The following FSTL5 variants were observed in gnomAD, a reference collection of about 807,000 sequenced individuals.
FSTL5 encodes follistatin-related protein 5.
Under a neutral mutation model 89.1 loss-of-function variants are expected in FSTL5, and 62 were observed. That is an observed-to-expected ratio of 0.70 (90% CI 0.57 to 0.86). The LOEUF is 0.86. Ranked by LOEUF, FSTL5 falls within the 40% of genes least tolerant of loss-of-function variation. The probability of loss-of-function intolerance (pLI) is 0.00; values close to 1 mark genes in which losing one functional copy is unlikely to be tolerated. For missense variants in FSTL5, 1,057 were observed against 1,001.6 expected (o/e 1.06, Z -0.75); for synonymous variants, 383 against 346.2 (o/e 1.11, Z -1.18).
chr4:161,601,606 G>A (rs1388420552), intron 7 of FSTL5, among the ~76,000 whole-genome samples: 2 of 152,006 alleles, frequency 1.3e-5, no homozygotes, highest in Non-Finnish European at 1.5e-5. Context: ...GCAAGCAACA[G>A]CAAACTACCC....
intron 4 of FSTL5, among the ~76,000 whole-genome samples, chr4:161,826,421 GT>G (rs376078970): frequency 4.0e-5 from 6 of 151,432 alleles, no homozygotes; most frequent in Admixed American, 1.3e-4. Flanking sequence ...TAAATCCATT[GT>G]TTTTTTTGTT....
chr4:161,748,802 A>C, intron 6 of FSTL5, among the ~76,000 whole-genome samples: 1 of 152,078 alleles, frequency 6.6e-6, no homozygotes, highest in Non-Finnish European at 1.5e-5. Context: ...GACCATCAAT[A>C]AGGGCATTTG....
intron 2 of FSTL5, among the ~76,000 whole-genome samples, chr4:162,101,599 AT>A (rs1292797677): frequency 2.0e-5 from 3 of 152,230 alleles, no homozygotes; most frequent in Admixed American, 6.5e-5. Flanking sequence ...GATTAAAAAA[AT>A]AGAAGAATAT....
intron 6 of FSTL5, 55 bp downstream of exon 6, chr4:161,759,356 G>A: frequency 1.5e-5 from 23 of 1,531,494 alleles, no homozygotes; most frequent in Non-Finnish European, 1.9e-5. Context: ...ACCATATTGT[G>A]TAAAGCAACA....
At chr4:161,733,599 G>A (rs1474096692) in intron 6 of FSTL5, among the ~76,000 whole-genome samples, 2 of 151,990 alleles carry the variant, frequency 1.3e-5, no homozygotes, top group Non-Finnish European at 2.9e-5. Context: ...AAAGTATCGA[G>A]TTTGTCAATT....
At chr4:161,901,660 A>G (rs1020161420) in intron 4 of FSTL5, among the ~76,000 whole-genome samples, 1 of 152,198 alleles carries the variant, frequency 6.6e-6, no homozygotes, top group Non-Finnish European at 1.5e-5. Flanking sequence ...TAGGCCGGGC[A>G]TGGTGGCTCA....
intron 4 of FSTL5, among the ~76,000 whole-genome samples, chr4:161,835,623 C>T (rs1731012972): frequency 6.6e-6 from 1 of 151,736 alleles, no homozygotes; most frequent in African/African-American, 2.4e-5. Flanking sequence ...AACAAACAAC[C>T]CCATCAAAAA....
Position 162,064,946 on chromosome 4 carries a change from C to A in FSTL5, c.127-31288G>T, listed in dbSNP as rs533848292. Among the ~76,000 whole-genome samples, 17 of 151,982 alleles carry A rather than the reference C, an allele frequency of 1.1e-4. No individual in the cohort carries two copies. The South Asian group carries it at 3.3e-3, about 30-fold the overall frequency. ...ACACAATAGAGATCCCAGAAATAAG[C>A]CCATGCATATATTGTCAACTAATCT... On this transcript the variant is annotated intron_variant, in intron 2 of 15. Transcript: ENST00000306100.
chr4:161,401,518 A>G (rs1731178205), intron 15 of FSTL5, among the ~76,000 whole-genome samples: 1 of 151,920 alleles, frequency 6.6e-6, no homozygotes, highest in Non-Finnish European at 1.5e-5. Flanking sequence ...CTAGTTGTTT[A>G]TTTTTTATTA....
intron 10 of FSTL5, among the ~76,000 whole-genome samples, chr4:161,519,005 C>T (rs1452594703): frequency 6.6e-6 from 1 of 152,064 alleles, no homozygotes; most frequent in Non-Finnish European, 1.5e-5. Context: ...GCCTTCTGCC[C>T]AAGGCTGCCT....
intron 1 of FSTL5, among the ~76,000 whole-genome samples, chr4:162,161,216 T>C (rs72988823): frequency 0.052 from 7,935 of 151,950 alleles, 426 homozygotes; most frequent in African/African-American, 0.13. Context: ...ACATTTTACA[T>C]GAATTCATTG....
At chr4:161,841,457 T>G (rs1288524737) in intron 4 of FSTL5, among the ~76,000 whole-genome samples, 2 of 152,180 alleles carry the variant, frequency 1.3e-5, no homozygotes, top group Non-Finnish European at 2.9e-5. Flanking sequence ...AAAATGTGCT[T>G]TAAGGCTCCT....
chr4:161,411,381 A>G (rs1419256065), intron 15 of FSTL5, among the ~76,000 whole-genome samples: 1 of 152,070 alleles, frequency 6.6e-6, no homozygotes, highest in Non-Finnish European at 1.5e-5. Flanking sequence ...AGACGGAAAA[A>G]AAAAAAAGAA....
At chr4:161,405,627 A>T (rs1003272931) in intron 15 of FSTL5, among the ~76,000 whole-genome samples, 2 of 152,180 alleles carry the variant, frequency 1.3e-5, no homozygotes, top group African/African-American at 4.8e-5. Flanking sequence ...CAGAAAATGT[A>T]TTTGAAGAAA....
intron 8 of FSTL5, among the ~76,000 whole-genome samples, chr4:161,552,318 A>C (rs963546436): frequency 6.6e-6 from 1 of 151,886 alleles, no homozygotes. Context: ...ATCTTGCCAC[A>C]GGATTTGTAA....
intron 4 of FSTL5, among the ~76,000 whole-genome samples, chr4:161,890,788 T>C (rs1732963603): frequency 6.6e-6 from 1 of 151,032 alleles, no homozygotes. Flanking sequence ...TCAGTAAAAA[T>C]ATTCATAAAA....
chr4:161,640,807 T>C (rs544279948), intron 7 of FSTL5, among the ~76,000 whole-genome samples: 8 of 152,240 alleles, frequency 5.3e-5, no homozygotes, highest in African/African-American at 1.9e-4. Context: ...TCCAAGAGTC[T>C]CCACAAACTC....
At position 161,386,076 on chromosome 4, in the gene FSTL5, T is replaced by C. The variant is rs1318172504; in HGVS notation, c.2215A>G (p.Ile739Val). ...GATGGTTGAAATGCCAGATCAGATATGTGCAGATTTGTGTAAATATCAAAA... is the reference window on the plus strand; with the variant it reads ...GATGGTTGAAATGCCAGATCAGATACGTGCAGATTTGTGTAAATATCAAAA... ...EAFDIYTNLH[I>V]SDLAFQPSFT... The change falls in exon 16 of 16, where the codon ATA becomes GTA. Residue 739 changes from isoleucine (I) to valine (V), a missense_variant. Ile to Val is a conservative substitution (Grantham distance 29). Transcript: ENST00000306100. 1 of 1,614,070 alleles carries C rather than the reference T, an allele frequency of 6.2e-7. No individual in the cohort carries two copies. Among genetic ancestry groups the C allele is most frequent in the South Asian group, 1.1e-5 (1 of 91,086 alleles).
intron 10 of FSTL5, among the ~76,000 whole-genome samples, chr4:161,522,187 G>A (rs1051127711): frequency 6.6e-6 from 1 of 152,162 alleles, no homozygotes; most frequent in South Asian, 2.1e-4. Flanking sequence ...GATAGCAGCT[G>A]CAGTTATTGG....
Sources: allele counts gnomAD v4.1 joint callset (sites outside exome capture counted in the v4.1 genomes callset), GRCh38; gene constraint gnomAD v4.1.1; transcripts MANE v1.5; gene names NCBI Gene and HGNC (gene_info 2026-07-23, HGNC 2026-07-21).